Variants in ZNF768 observed in about 807,000 individuals in gnomAD.
ZNF768 encodes the protein zinc finger protein 768.
A neutral mutation model predicts 39.7 loss-of-function variants in ZNF768; 12 were observed. That is an observed-to-expected ratio of 0.30 (90% CI 0.19 to 0.49). The LOEUF (loss-of-function observed/expected upper bound fraction) is 0.49. Ranked by LOEUF, ZNF768 falls within the 20% of genes least tolerant of loss-of-function variation. The pLI is 0.99. For missense variants in ZNF768, 613 were observed against 723.2 expected (o/e 0.85, Z 1.75); for synonymous variants, 360 against 288.4 (o/e 1.25, Z -2.52).
At chr16:30,530,076 G>A (rs1295387593), upstream of ZNF768, among the ~76,000 whole-genome samples, 9 of 151,960 alleles carry the variant, frequency 5.9e-5, no homozygotes, top group South Asian at 2.1e-4. This position sits in a 1 kb window ranked among gnomAD's most constrained non-coding sequence, Gnocchi z 4.4. Context: ...CGATCCGCCC[G>A]CCTCAGCCTC....
In ZNF768 at chr16:30,524,795, G is replaced by A; in HGVS notation, c.1345C>T (p.Arg449Cys). Residue 449 changes from arginine (R) to cysteine (C), a missense_variant, in exon 2 of 2, where the codon CGC (arginine) becomes TGC (cysteine). Transcript: ENST00000380412. ...GQSSVLAIHA[R>C]THLPGRTYSC... ...TAGGTGCGGCCTGGCAGGTGGGTGC[G>A]GGCGTGGATGGCCAGCACCGAGCTC... 1 of 1,610,956 alleles carries A rather than the reference G, an allele frequency of 6.2e-7. No individual in the cohort carries two copies. Among genetic ancestry groups the A allele is most frequent in the Non-Finnish European group, 8.5e-7 (1 of 1,179,576 alleles).
At chr16:30,527,072 A>C, upstream of ZNF768, 2 of 985,138 alleles carry the variant, frequency 2.0e-6, no homozygotes, top group Non-Finnish European at 2.4e-6. Context: ...GCCAAGGGCG[A>C]GGCGACAAGC....
chr16:30,525,381 C>T lies in ZNF768; in HGVS notation c.759G>A (p.Arg253=). 1.2e-6 allele frequency: 2 copies of T among 1,614,030 alleles called. No homozygotes were observed. Among genetic ancestry groups the T allele is most frequent in the Non-Finnish European group, 1.7e-6 (2 of 1,179,938 alleles). Reference sequence around the variant, plus strand: ...TGTTAGGCCGAGGGCCCTGCCCACCCCTGGCCCGGCCACCCCGCCGACCTG... The same window carrying T: ...TGTTAGGCCGAGGGCCCTGCCCACCTCTGGCCCGGCCACCCCGCCGACCTG... ...RGPGRRGGRA[R]GGQGPRPNIC... is the part of the protein sequence containing the mutation. Residue 253 remains arginine (R), a synonymous_variant, in exon 2 of 2, where the codon AGG becomes AGA. Coordinates refer to ENST00000380412, the MANE Select transcript of ZNF768 (RefSeq NM_024671.4).
rs2051314159 is a variant in ZNF768, at chr16:30,525,555, C to T, written c.585G>A (p.Leu195=). The stretch of plus-strand genomic sequence containing the variant: ...CCCCAAACCCCTGAGTGAAGGAGTC[C>T]AGGGGGTGAACTCCTACGGAGATAT... ...PLNISVGVHP[L]DSFTQGFGEQ... The change falls in exon 2 of 2, where the codon CTG becomes CTA. Residue 195 remains leucine (L), a synonymous_variant. Transcript: ENST00000380412. 1.4e-5 allele frequency: 22 copies of T among 1,614,196 alleles called. No homozygotes were observed. The highest frequency in any genetic ancestry group is 1.8e-5 in the Non-Finnish European group (21 of 1,180,012).
chr16:30,525,342 G>A lies in ZNF768; in HGVS notation c.798C>T (p.Cys266=), dbSNP rs755443193. Residue 266 remains cysteine (C), a synonymous_variant, in exon 2 of 2, where the codon TGC becomes TGT. Coordinates refer to ENST00000380412, the MANE Select transcript of ZNF768 (RefSeq NM_024671.4). ...TGGAGCCCCGCCCGAAGCTCTTCCCGCAGATGCCACAGATGTTAGGCCGAG... is the reference window on the plus strand; with the variant it reads ...TGGAGCCCCGCCCGAAGCTCTTCCCACAGATGCCACAGATGTTAGGCCGAG... The part of the protein sequence containing the change: ...QGPRPNICGI[C]GKSFGRGSTL... The A allele has an allele frequency of 1.9e-6, 3 of 1,614,164 alleles. No individual in the cohort carries two copies. Among genetic ancestry groups the A allele is most frequent in the Non-Finnish European group, 2.5e-6 (3 of 1,179,994 alleles).
chr16:30,528,072 T>G (rs2051344107), upstream of ZNF768: 1 of 152,212 alleles, frequency 6.6e-6, no homozygotes, highest in Non-Finnish European at 1.5e-5. Context: ...GCAGCGTTCT[T>G]GACAGTTAAC....
chr16:30,525,617 C>G lies in ZNF768; in HGVS notation c.523G>C (p.Glu175Gln). 6.2e-7 allele frequency: 1 copy of G among 1,614,242 alleles called. No individual in the cohort carries two copies. Among genetic ancestry groups the G allele is most frequent in the Non-Finnish European group, 8.5e-7 (1 of 1,180,042 alleles). The change falls in exon 2 of 2, where the codon GAG becomes CAG. Residue 175 changes from glutamate to glutamine, a missense_variant. Glu to Gln is a conservative substitution (Grantham distance 29). This residue lies in a region of ZNF768 where 347 missense variants were observed against 326.1 expected (regional missense o/e 1.06). Coordinates refer to ENST00000380412, the MANE Select transcript of ZNF768 (RefSeq NM_024671.4). ...AQSSKFQEGA[E>Q]MLLNPEEKSP... ...TTTTCCTCGGGGTTCAGAAGCATCT[C>G]CGCACCTTCCTGGAATTTGGAACTT...
chr16:30,526,104 A>T, intron 1 of ZNF768, 53 bp from the exon 2 acceptor site: 1 of 1,493,870 alleles, frequency 6.7e-7, no homozygotes, highest in Non-Finnish European at 8.9e-7. Flanking sequence ...CATTTGGTCC[A>T]TTAGCAACCA....
the ZNF768 span, chr16:30,532,220 C>A: frequency 1.8e-6 from 1 of 555,594 alleles, no homozygotes; most frequent in South Asian, 2.3e-5. Flanking sequence ...ATCCTCTTAG[C>A]ATCTCTGGGA....
At chr16:30,527,259 C>T (rs917859728), upstream of ZNF768, 9 of 986,046 alleles carry the variant, frequency 9.1e-6, no homozygotes, top group South Asian at 4.7e-5. Flanking sequence ...ACTCCGCTCC[C>T]CGGCACCTGC....
At chr16:30,526,838 GT>G (rs1360208477), upstream of ZNF768, 1 of 876,564 alleles carries the variant, frequency 1.1e-6, no homozygotes, top group Non-Finnish European at 1.4e-6. Context: ...CCGCGGCCAG[GT>G]CCCCCCGCCG....
Position 30,526,562 on chromosome 16 carries a change from C to A in ZNF768, c.-149G>T, listed in dbSNP as rs1255942496. Reference sequence around the variant, plus strand: ...CCCAGCCCGGGCCCCCGAGGCCGGACGTCTTGACCCCGCGCCTCTCCAGCG... The same window carrying A: ...CCCAGCCCGGGCCCCCGAGGCCGGAAGTCTTGACCCCGCGCCTCTCCAGCG... On this transcript the variant is annotated 5_prime_UTR_variant, in exon 1 of 2. Coordinates refer to ENST00000380412, the MANE Select transcript of ZNF768 (RefSeq NM_024671.4). The A allele has an allele frequency of 1.9e-6, 2 of 1,055,774 alleles. No homozygotes were observed. The highest frequency in any genetic ancestry group is 1.1e-6 in the Non-Finnish European group (1 of 877,102). The allele number at this position is 1,055,774 out of a possible 1,614,324, so 65.4% of individuals were successfully genotyped here.
upstream of ZNF768, among the ~76,000 whole-genome samples, chr16:30,528,579 A>G (rs1050222553): frequency 1.5e-4 from 23 of 152,184 alleles, no homozygotes; most frequent in Admixed American, 5.2e-4. Flanking sequence ...AGGCTTACAA[A>G]TAAAATCACA....
Position 30,525,380 on chromosome 16 carries a change from C to T in ZNF768, c.760G>A (p.Gly254Ser). The T allele has an allele frequency of 1.2e-6, 2 of 1,614,026 alleles. No individual in the cohort carries two copies. The highest frequency in any genetic ancestry group is 1.3e-5 in the African/African-American group (1 of 75,052). ...GPGRRGGRAR[G>S]GQGPRPNICG... ...ATGTTAGGCCGAGGGCCCTGCCCAC[C>T]CCTGGCCCGGCCACCCCGCCGACCT... is the stretch of plus-strand genomic sequence containing the variant. The change falls in exon 2 of 2, where the codon GGT (glycine) becomes AGT (serine). Residue 254 changes from glycine to serine, a missense_variant. By Grantham distance (56) the Gly-to-Ser change is moderately conservative (BLOSUM62 0). Around this residue, in one of 4 missense-constraint regions of ZNF768, gnomAD observed 347 missense variants for 326.1 expected, o/e 1.06. Transcript: ENST00000380412.
chr16:30,526,190 C>T, intron 1 of ZNF768, 136 bp downstream of exon 1: 1 of 1,524,268 alleles, frequency 6.6e-7, no homozygotes, highest in Non-Finnish European at 8.8e-7. Context: ...CTCAGCTGAC[C>T]CAAGACACCC....
At chr16:30,527,144 C>G (rs2051335124), upstream of ZNF768, 1 of 985,278 alleles carries the variant, frequency 1.0e-6, no homozygotes. Context: ...GTGTCTCGCT[C>G]CCTCCCCTCC....
chr16:30,526,172 A>G, intron 1 of ZNF768, 121 bp from the exon 2 acceptor site: 4 of 1,498,992 alleles, frequency 2.7e-6, no homozygotes, highest in Non-Finnish European at 3.5e-6. Flanking sequence ...TGAAATTCCC[A>G]CGCCCCCCTC....
In ZNF768 at chr16:30,525,999, C is replaced by T; in HGVS notation, c.141G>A (p.Gly47=). ...EEEISQQEGS[G]DYEVEEIPFG... is the part of the protein sequence containing the mutation. ...ATGGTATCTCTTCGACTTCATAGTC[C>T]CCACTGCCTTCTTGCTGAGAAATTT... The change falls in exon 2 of 2, where the codon GGG becomes GGA. Residue 47 remains glycine, a synonymous_variant. Coordinates refer to ENST00000380412, the MANE Select transcript of ZNF768 (RefSeq NM_024671.4). 6.7e-7 allele frequency: 1 copy of T among 1,499,168 alleles called. No individual in the cohort carries two copies. Among genetic ancestry groups the T allele is most frequent in the Non-Finnish European group, 8.9e-7 (1 of 1,127,346 alleles). The allele number at this position is 1,499,168 out of a possible 1,614,324, so 92.9% of individuals were successfully genotyped here. A position where few individuals can be genotyped will look rare whatever the true frequency, so the allele number is the denominator to read the frequency against.
Position 30,525,729 on chromosome 16 carries a change from G to GGGTTCATACCCGGGGCTCCGA in ZNF768, c.390_410dup (p.Pro137_Glu143dup). 1 of 1,611,806 alleles carries GGGTTCATACCCGGGGCTCCGA rather than the reference G, an allele frequency of 6.2e-7. No individual in the cohort carries two copies. The highest frequency in any genetic ancestry group is 8.5e-7 in the Non-Finnish European group (1 of 1,178,984). On this transcript the variant is annotated inframe_insertion, in exon 2 of 2. Coordinates refer to ENST00000380412, the MANE Select transcript of ZNF768 (RefSeq NM_024671.4). The stretch of plus-strand genomic sequence containing the variant: ...TCTCAGATTCATAGCCAGGGCTCCG[G>GGGTTCATACCCGGGGCTCCGA]GGTTCATACCCGGGGCTCCGAGGTT...
Sources: allele counts gnomAD v4.1 joint callset (sites outside exome capture counted in the v4.1 genomes callset), GRCh38; gene constraint gnomAD v4.1.1; regional missense constraint gnomAD v4.1.1; non-coding constraint Gnocchi (gnomAD v3.1); transcripts MANE v1.5; gene names NCBI Gene and HGNC (gene_info 2026-07-23, HGNC 2026-07-21).